DPY19L2: variants seen among roughly 807,000 people sequenced by gnomAD.
DPY19L2 encodes the protein dpy-19 like 2.
Under a neutral mutation model 97.9 loss-of-function variants are expected in DPY19L2, and 34 were observed. That is an observed-to-expected ratio of 0.35 (90% CI 0.26 to 0.46). DPY19L2 has a LOEUF of 0.46. DPY19L2 is among the 20% of genes least tolerant of loss of function. The probability of loss-of-function intolerance (pLI) is 1.00; values close to 1 mark genes in which losing one functional copy is unlikely to be tolerated. For missense variants in DPY19L2, 623 were observed against 911.4 expected, an observed-to-expected ratio of 0.68 and a Z score of 4.07; for synonymous variants, 230 against 307.9, an observed-to-expected ratio of 0.75 and a Z score of 2.65.
At chr12:63,630,230 T>G (rs920919468) in intron 6 of DPY19L2, among the ~76,000 whole-genome samples, 12 of 152,220 alleles carry the variant, frequency 7.9e-5, no homozygotes, top group African/African-American at 2.9e-4. Context: ...TAACCTTAAA[T>G]GTAAATGGGC....
At chr12:63,589,356 GCAAAAAAAAAAAA>G (rs1882436000) in intron 16 of DPY19L2, among the ~76,000 whole-genome samples, 1 of 6,234 alleles carries the variant, frequency 1.6e-4, no homozygotes, top group Non-Finnish European at 3.2e-4. Flanking sequence ...AAAATGTGTT[GCAAAAAAAAAAAA>G]AAAAAAAAAA....
At chr12:63,648,222 C>T (rs1216007784) in intron 4 of DPY19L2, among the ~76,000 whole-genome samples, 2 of 152,052 alleles carry the variant, frequency 1.3e-5, no homozygotes, top group African/African-American at 4.8e-5. Flanking sequence ...TCCTTGGACT[C>T]CAGAATTCTT....
intron 4 of DPY19L2, 177 bp downstream of exon 4, chr12:63,661,167 T>G: frequency 1.9e-6 from 1 of 514,444 alleles, no homozygotes; most frequent in Non-Finnish European, 3.1e-6. Context: ...AGAGAACAGT[T>G]TCTGGGGTCT....
intron 6 of DPY19L2, among the ~76,000 whole-genome samples, chr12:63,629,441 C>G (rs1394570941): frequency 2.6e-5 from 4 of 152,006 alleles, no homozygotes. Context: ...GTAGCCAATT[C>G]GATCAACTGG....
At chr12:63,642,148 G>C (rs1411399228) in intron 6 of DPY19L2, among the ~76,000 whole-genome samples, 5 of 152,084 alleles carry the variant, frequency 3.3e-5, no homozygotes, top group Admixed American at 6.6e-5. Flanking sequence ...CACAAGGACA[G>C]AGATCTCTGT....
intron 16 of DPY19L2, among the ~76,000 whole-genome samples, chr12:63,585,112 C>A (rs1881562861): frequency 6.6e-6 from 1 of 151,982 alleles, no homozygotes; most frequent in African/African-American, 2.4e-5. Flanking sequence ...CAGATAAGGG[C>A]AACTGCTGTG....
intron 16 of DPY19L2, among the ~76,000 whole-genome samples, chr12:63,590,130 A>AAAC (rs530724760): frequency 4.0e-5 from 6 of 151,536 alleles, no homozygotes; most frequent in South Asian, 2.1e-4. Flanking sequence ...AAACAAAACA[A>AAAC]AACAACAACA....
chr12:63,641,700 T>C (rs140165247), intron 6 of DPY19L2, among the ~76,000 whole-genome samples: 36,774 of 151,738 alleles, frequency 0.24, 4,701 homozygotes, highest in East Asian at 0.43. Flanking sequence ...AATGTATTCA[T>C]TTCTCTGTTA....
At chr12:63,645,903 T>C (rs1893349465) in intron 5 of DPY19L2, among the ~76,000 whole-genome samples, 1 of 152,118 alleles carries the variant, frequency 6.6e-6, no homozygotes, top group Non-Finnish European at 1.5e-5. Context: ...AATTCTTCAA[T>C]GGATAAAGTA....
At chr12:63,584,902 A>G (rs1039336003) in intron 16 of DPY19L2, among the ~76,000 whole-genome samples, 7 of 152,240 alleles carry the variant, frequency 4.6e-5, no homozygotes, top group Non-Finnish European at 8.8e-5. Context: ...AGAAGAAAAA[A>G]TTAATGTTAG....
chr12:63,608,580 A>T, intron 12 of DPY19L2, 36 bp downstream of exon 12: 5 of 1,495,138 alleles, frequency 3.3e-6, no homozygotes, highest in Non-Finnish European at 4.6e-6. Context: ...AAAAAGTAGA[A>T]TTTAAATAAA....
intron 11 of DPY19L2, among the ~76,000 whole-genome samples, chr12:63,613,818 G>A (rs567692044): frequency 5.3e-5 from 8 of 152,154 alleles, no homozygotes; most frequent in South Asian, 2.1e-4. Flanking sequence ...AAAGTGATAC[G>A]TTTATAACGT....
chr12:63,594,603 G>T (rs193208353), intron 15 of DPY19L2, among the ~76,000 whole-genome samples: 1 of 149,930 alleles, frequency 6.7e-6, no homozygotes, highest in Non-Finnish European at 1.5e-5. Flanking sequence ...GTGCGTGCAC[G>T]TGTGTGTGTA....
Position 63,653,861 on chromosome 12 carries a change from G to C in DPY19L2, c.589-6496C>G, listed in dbSNP as rs561673568. On this transcript the variant is annotated intron_variant, in intron 4 of 21. Coordinates refer to ENST00000324472, the MANE Select transcript of DPY19L2 (RefSeq NM_173812.5). ...AGTGGATTTCTCATTAGAAACTATG[G>C]AGGGCCAGAACAAAATGGCACAACA... 2.0e-5 allele frequency among the ~76,000 whole-genome samples: 3 copies of C among 152,044 alleles called. No homozygotes were observed. In the South Asian group the frequency reaches 6.2e-4, roughly 32 times the overall value.
At chr12:63,603,299 A>C (rs1223573317) in intron 12 of DPY19L2, among the ~76,000 whole-genome samples, 1 of 152,090 alleles carries the variant, frequency 6.6e-6, no homozygotes, top group Non-Finnish European at 1.5e-5. Context: ...CTGTGTATCT[A>C]TTTTGCTGTT....
At chr12:63,608,061 A>C (rs539752983) in intron 12 of DPY19L2, among the ~76,000 whole-genome samples, 12 of 152,336 alleles carry the variant, frequency 7.9e-5, no homozygotes, top group Admixed American at 6.5e-4. Context: ...CATGGAGGTA[A>C]TATGGGCCAT....
intron 6 of DPY19L2, among the ~76,000 whole-genome samples, chr12:63,629,039 G>C (rs540251678): frequency 3.9e-5 from 6 of 152,082 alleles, no homozygotes; most frequent in Non-Finnish European, 7.4e-5. Flanking sequence ...CAAACAGAAA[G>C]GACACCCACA....
chr12:63,560,778 A>C, intron 21 of DPY19L2, 116 bp from the exon 22 acceptor site: 1 of 1,395,920 alleles, frequency 7.2e-7, no homozygotes, highest in Non-Finnish European at 9.6e-7. Context: ...AAATATTTTA[A>C]AGCGTCATTT....
chr12:63,630,594 T>G, intron 6 of DPY19L2, among the ~76,000 whole-genome samples: 1 of 152,004 alleles, frequency 6.6e-6, no homozygotes, highest in Admixed American at 6.6e-5. Flanking sequence ...ACAAAGAGAC[T>G]TAGACTCCCA....
Sources: allele counts gnomAD v4.1 joint callset (sites outside exome capture counted in the v4.1 genomes callset), GRCh38; gene constraint gnomAD v4.1.1; transcripts MANE v1.5; gene names NCBI Gene and HGNC (gene_info 2026-07-23, HGNC 2026-07-21).